The following MON1A variants were observed in gnomAD, a reference collection of about 807,000 sequenced individuals.
MON1A encodes the protein vacuolar fusion protein MON1 homolog A.
In MON1A, 29 loss-of-function variants were observed where a neutral mutation model predicts 44.6. The ratio of observed to expected loss-of-function variants is 0.65; its 90% confidence interval spans 0.48 to 0.89. The LOEUF is 0.89. MON1A is among the 40% of genes least tolerant of loss of function. MON1A has a pLI of 0.00. For missense variants in MON1A, 615 were observed against 759.6 expected, an observed-to-expected ratio of 0.81 and a Z score of 2.24; for synonymous variants, 275 against 316.4, an observed-to-expected ratio of 0.87 and a Z score of 1.39.
chr3:49,924,058 G>T (rs931092817), intron 1 of MON1A: 4 of 151,472 alleles, frequency 2.6e-5, no homozygotes, highest in African/African-American at 9.7e-5. Flanking sequence ...CTCCAGGCTG[G>T]GTGGCAGAGC....
chr3:49,912,084 T>C (rs1382848317), intron 2 of MON1A, 73 bp from the exon 3 acceptor site: 1 of 1,504,862 alleles, frequency 6.6e-7, no homozygotes, highest in Non-Finnish European at 8.9e-7. Context: ...GTGCCTAACG[T>C]GGTCACTCCA....
At chr3:49,914,302 C>T (rs1038615996) in intron 1 of MON1A, among the ~76,000 whole-genome samples, 3 of 151,724 alleles carry the variant, frequency 2.0e-5, no homozygotes, top group Non-Finnish European at 4.4e-5. Flanking sequence ...AGGCTGCTCT[C>T]GAACTCCCGA....
chr3:49,918,549 T>G (rs1309643672), intron 1 of MON1A, among the ~76,000 whole-genome samples: 1 of 151,720 alleles, frequency 6.6e-6, no homozygotes, highest in African/African-American at 2.4e-5. Flanking sequence ...GTAGCTGGGA[T>G]TACAAGCACC....
intron 1 of MON1A, among the ~76,000 whole-genome samples, chr3:49,917,872 C>T (rs1344100446): frequency 6.6e-6 from 1 of 151,570 alleles, no homozygotes; most frequent in Non-Finnish European, 1.5e-5. Context: ...CATGAAGAAA[C>T]CCTGTCTCTA....
chr3:49,923,452 G>A (rs571492541), intron 1 of MON1A, among the ~76,000 whole-genome samples: 7 of 147,840 alleles, frequency 4.7e-5, no homozygotes, highest in Non-Finnish European at 1.0e-4. Context: ...AGGGAAGAAC[G>A]AAAGAAAGAC....
intron 1 of MON1A, among the ~76,000 whole-genome samples, chr3:49,915,642 G>A (rs1249211388): frequency 6.6e-6 from 1 of 152,262 alleles, no homozygotes; most frequent in Non-Finnish European, 1.5e-5. Context: ...CAACAGGCTT[G>A]TCTTCAGGCT....
chr3:49,910,252 G>T lies in MON1A; in HGVS notation c.1246C>A (p.Arg416Ser), dbSNP rs1174077410. ...AGGTGGGCTCCGCGCTTGCGAAGGC[G>T]CTCCTGGAAGCGGCGGCGGCAGTCA... ...VSDCRRRFQE[R>S]LRKRGAHLAL... The change falls in exon 4 of 6, where the codon CGC becomes AGC. Residue 416 changes from arginine to serine, a missense_variant. Physicochemically the swap from Arg to Ser is moderately radical, Grantham distance 110. Transcript: ENST00000296473. The surrounding 1 kb of genome is among the most constrained non-coding windows in gnomAD (Gnocchi z 8.0). 1.2e-6 allele frequency: 2 copies of T among 1,614,126 alleles called. No homozygotes were observed. Among genetic ancestry groups the T allele is most frequent in the South Asian group, 2.2e-5 (2 of 91,084 alleles).
At chr3:49,914,623 C>T (rs551081216) in intron 1 of MON1A, among the ~76,000 whole-genome samples, 3 of 142,770 alleles carry the variant, frequency 2.1e-5, no homozygotes, top group Non-Finnish European at 4.5e-5. Context: ...TCTCAGCTCA[C>T]TGCAACCTCC....
intron 1 of MON1A, among the ~76,000 whole-genome samples, chr3:49,923,452 G>C (rs571492541): frequency 8.8e-5 from 13 of 147,840 alleles, no homozygotes; most frequent in Non-Finnish European, 1.5e-5. Flanking sequence ...AGGGAAGAAC[G>C]AAAGAAAGAC....
Position 49,929,629 on chromosome 3 carries a change from G to A in MON1A, c.-34C>T, listed in dbSNP as rs1415150887. The A allele has an allele frequency of 1.9e-6, 3 of 1,551,560 alleles. No individual in the cohort carries two copies. The highest frequency in any genetic ancestry group is 2.4e-5 in the East Asian group (1 of 40,914). ...CTCACCTGTTTCTCAGAGGAGTCCA[G>A]GACGCACAGAAGGTGCCGGTCACTG... On this transcript the variant is annotated 5_prime_UTR_variant, in exon 1 of 6. Transcript: ENST00000296473.
At chr3:49,913,752 T>C (rs1339398534) in intron 1 of MON1A, among the ~76,000 whole-genome samples, 1 of 143,518 alleles carries the variant, frequency 7.0e-6, no homozygotes, top group East Asian at 2.1e-4. Flanking sequence ...AGCCTCCCCC[T>C]CCGGGGTTCA....
intron 2 of MON1A, 111 bp from the exon 3 acceptor site, chr3:49,912,122 A>G: frequency 7.5e-7 from 1 of 1,329,950 alleles, no homozygotes; most frequent in South Asian, 1.5e-5. Context: ...GTTAGGATCA[A>G]GCCACTGTTC....
At chr3:49,928,987 G>C (rs1243759152) in intron 1 of MON1A, among the ~76,000 whole-genome samples, 1 of 152,190 alleles carries the variant, frequency 6.6e-6, no homozygotes, top group African/African-American at 2.4e-5. Context: ...GAGGCAGGCA[G>C]ATCACCTGAG....
Position 49,908,985 on chromosome 3 carries a change from C to A in MON1A, c.*29G>T. ...TATGGCTTCCCACACCTAGTGTGTC[C>A]AGGAAGGCTGAGCCCGCACACATTC... On this transcript the variant is annotated 3_prime_UTR_variant, in exon 6 of 6. Transcript: ENST00000296473. 1 of 1,592,972 alleles carries A rather than the reference C, an allele frequency of 6.3e-7. No homozygotes were observed. The highest frequency in any genetic ancestry group is 1.3e-5 in the African/African-American group (1 of 74,582).
intron 1 of MON1A, among the ~76,000 whole-genome samples, chr3:49,924,284 A>G (rs896370669): frequency 6.6e-6 from 1 of 152,164 alleles, no homozygotes; most frequent in African/African-American, 2.4e-5. Flanking sequence ...TCAGCCTTCA[A>G]GATGGTCTCT....
rs750786671 is a variant in MON1A, at chr3:49,910,175, G to T, written c.1323C>A (p.Gly441=). The change falls in exon 4 of 6, where the codon GGC becomes GGA. Residue 441 remains glycine, a synonymous_variant. Coordinates refer to ENST00000296473, the MANE Select transcript of MON1A (RefSeq NM_032355.4). This position sits in a 1 kb window ranked among gnomAD's most constrained non-coding sequence, Gnocchi z 8.0. ...RTPYYSVAQV[G]IPDLRHFLYK... ...AGAGGAAGTGACGCAGGTCAGGGATGCCCACTTGGGCAACGCTGTAGTAGG... is the reference window on the plus strand; with the variant it reads ...AGAGGAAGTGACGCAGGTCAGGGATTCCCACTTGGGCAACGCTGTAGTAGG... 1.2e-6 allele frequency: 2 copies of T among 1,611,828 alleles called. No individual in the cohort carries two copies. The highest frequency in any genetic ancestry group is 3.3e-5 in the Admixed American group (2 of 59,986).
At chr3:49,913,658 G>GTTTTTTTTTTTTTTTTTT (rs1559493127) in intron 1 of MON1A, among the ~76,000 whole-genome samples, 46 of 121,454 alleles carry the variant, frequency 3.8e-4, no homozygotes, top group Middle Eastern at 4.8e-3. Context: ...TTTCCTTCTA[G>GTTTTTTTTTTTTTTTTTT]TATTTTTTTT....
intron 1 of MON1A, among the ~76,000 whole-genome samples, chr3:49,920,917 G>A (rs1312415193): frequency 1.3e-5 from 2 of 151,976 alleles, no homozygotes; most frequent in East Asian, 2.0e-4. Context: ...TAGCACTTTG[G>A]GAGGCCAAAG....
At chr3:49,920,376 A>G (rs1693059253) in intron 1 of MON1A, among the ~76,000 whole-genome samples, 1 of 152,092 alleles carries the variant, frequency 6.6e-6, no homozygotes, top group Non-Finnish European at 1.5e-5. Context: ...GTCTTCACTC[A>G]ATCCCTTGGT....
Sources: allele counts gnomAD v4.1 joint callset (sites outside exome capture counted in the v4.1 genomes callset), GRCh38; gene constraint gnomAD v4.1.1; non-coding constraint Gnocchi (gnomAD v3.1); transcripts MANE v1.5; gene names NCBI Gene and HGNC (gene_info 2026-07-23, HGNC 2026-07-21).